Variants in CLPTM1 observed in about 807,000 individuals in gnomAD.
CLPTM1 encodes CLPTM1 regulator of GABA type A receptor forward trafficking, also known as putative lipid scramblase CLPTM1.
CLPTM1 carries 21 observed loss-of-function variants against 77.3 expected under a neutral mutation model. The observed-to-expected ratio is 0.27, with a 90% CI of 0.19 to 0.39. The LOEUF (loss-of-function observed/expected upper bound fraction) is 0.39, where lower values mean the gene tolerates loss of function less well. Among genes scored for constraint, CLPTM1 ranks in the 10% least tolerant of loss-of-function variants. CLPTM1 has a pLI of 1.00. For missense variants in CLPTM1, 642 were observed against 921.2 expected, an observed-to-expected ratio of 0.70 and a Z score of 3.92; for synonymous variants, 373 against 381.0, an observed-to-expected ratio of 0.98 and a Z score of 0.24.
chr19:44,982,707 C>A (rs1391076526), intron 5 of CLPTM1, among the ~76,000 whole-genome samples: 1 of 152,210 alleles, frequency 6.6e-6, no homozygotes, highest in Non-Finnish European at 1.5e-5. Flanking sequence ...TCCAAGTCAA[C>A]CCTTGAGTGT....
chr19:44,969,219 ATG>A (rs1970680878), intron 2 of CLPTM1, among the ~76,000 whole-genome samples: 2 of 152,154 alleles, frequency 1.3e-5, no homozygotes, highest in South Asian at 4.1e-4. Context: ...ATATAATTTA[ATG>A]TGTTTAATGC....
intron 5 of CLPTM1, among the ~76,000 whole-genome samples, chr19:44,981,904 A>C (rs1970903121): frequency 6.6e-6 from 1 of 152,172 alleles, no homozygotes; most frequent in Non-Finnish European, 1.5e-5. Context: ...ACCCTGTCTC[A>C]CAAATAAATA....
intron 2 of CLPTM1, 74 bp downstream of exon 2, chr19:44,962,149 G>T: frequency 1.1e-6 from 1 of 890,098 alleles, no homozygotes; most frequent in South Asian, 1.7e-5. Context: ...AAAGTCAGCT[G>T]ATCAGCTGAG....
At chr19:44,964,330 A>G (rs1970593881) in intron 2 of CLPTM1, among the ~76,000 whole-genome samples, 1 of 25,738 alleles carries the variant, frequency 3.9e-5, no homozygotes, top group South Asian at 1.7e-3. Context: ...TTTTTTTTTG[A>G]GACAGCGTCT....
In CLPTM1 at chr19:44,987,388, T is replaced by A. The variant is rs749877186; in HGVS notation, c.1003T>A (p.Tyr335Asn). 5 of 1,613,982 alleles carry A rather than the reference T, an allele frequency of 3.1e-6. No homozygotes were observed. The highest frequency in any genetic ancestry group is 3.3e-5 in the Admixed American group (2 of 60,026). ...SPWNFLGDEL[Y>N]EQSDEEQDSV... The stretch of plus-strand genomic sequence containing the variant: ...CTGGAACTTCCTGGGTGATGAGTTG[T>A]ACGAGCAGTCAGATGAGGAGCAGGA... Residue 335 changes from tyrosine (Y) to asparagine (N), a missense_variant, in exon 8 of 14, where the codon TAC (tyrosine) becomes AAC (asparagine). This residue lies in a region of CLPTM1 where 521 missense variants were observed against 800.4 expected (regional missense o/e 0.65). Transcript: ENST00000337392.
intron 6 of CLPTM1, 95 bp from the exon 7 acceptor site, chr19:44,986,360 T>A: frequency 1.4e-6 from 2 of 1,471,438 alleles, no homozygotes; most frequent in South Asian, 1.3e-5. Context: ...AAGATTAAGA[T>A]TTTCTCGGGA....
chr19:44,962,569 T>TA (rs1049175397), intron 2 of CLPTM1, among the ~76,000 whole-genome samples: 7 of 152,108 alleles, frequency 4.6e-5, no homozygotes, highest in Non-Finnish European at 1.0e-4. Flanking sequence ...AAGCTCCTCT[T>TA]ATGGGGACAC....
intron 2 of CLPTM1, among the ~76,000 whole-genome samples, chr19:44,967,302 G>A (rs764395203): frequency 6.6e-6 from 1 of 152,032 alleles, no homozygotes; most frequent in Non-Finnish European, 1.5e-5. Flanking sequence ...CTAGGCAACA[G>A]AGTGAGACTG....
chr19:44,986,332 C>T lies in CLPTM1; in HGVS notation c.673-123C>T, dbSNP rs1427794816. On this transcript the variant is annotated intron_variant, in intron 6 of 13. Coordinates refer to ENST00000337392, the MANE Select transcript of CLPTM1 (RefSeq NM_001294.4). ...TGGGCAGCATAGTGAGACCCCATCT[C>T]AGAAAAAAAAGAAAGCAAAGATTAA... is the stretch of plus-strand genomic sequence containing the variant. The T allele has an allele frequency of 5.3e-6, 7 of 1,326,616 alleles. No homozygotes were observed. In the Admixed American group the frequency reaches 1.3e-4, roughly 25 times the overall value. 82.2% of individuals were successfully genotyped at this position (1,326,616 alleles called of 1,614,324 possible).
At chr19:44,981,580 G>A (rs910416013) in intron 5 of CLPTM1, among the ~76,000 whole-genome samples, 2 of 151,842 alleles carry the variant, frequency 1.3e-5, no homozygotes, top group Non-Finnish European at 2.9e-5. Context: ...GAGCAACAAA[G>A]CGAGACCCTG....
intron 2 of CLPTM1, among the ~76,000 whole-genome samples, chr19:44,971,287 G>A (rs1477491756): frequency 1.3e-5 from 2 of 151,966 alleles, no homozygotes; most frequent in East Asian, 3.8e-4. Flanking sequence ...ACGAGAATAC[G>A]TGAGCAGCAT....
chr19:44,967,383 G>A (rs1244065455), intron 2 of CLPTM1, among the ~76,000 whole-genome samples: 2 of 152,018 alleles, frequency 1.3e-5, no homozygotes, highest in African/African-American at 2.4e-5. Flanking sequence ...ATGAGGCCGG[G>A]TGCAGTGGCT....
At chr19:44,987,539 AGT>A in intron 8 of CLPTM1, 116 bp downstream of exon 8, 1 of 1,386,354 alleles carries the variant, frequency 7.2e-7, no homozygotes, top group Non-Finnish European at 9.8e-7. Context: ...CTCTGCCCAC[AGT>A]TTCACAACCT....
At position 44,991,143 on chromosome 19, in the gene CLPTM1, G is replaced by T. The variant is rs1240738734; in HGVS notation, c.1420-95G>T. 1.3e-6 allele frequency: 2 copies of T among 1,576,824 alleles called. No individual in the cohort carries two copies. Among genetic ancestry groups the T allele is most frequent in the African/African-American group, 1.3e-5 (1 of 74,392 alleles). On this transcript the variant is annotated intron_variant, in intron 11 of 13. Transcript: ENST00000337392. This position sits in a 1 kb window ranked among gnomAD's most constrained non-coding sequence, Gnocchi z 5.4. ...GCTACCTGGAAATTCCCCCTGCCCG[G>T]CCTGCCAGACCAGGTGTGGTGGGTG...
chr19:44,977,940 C>T (rs895582508), intron 5 of CLPTM1, among the ~76,000 whole-genome samples: 2 of 151,928 alleles, frequency 1.3e-5, no homozygotes, highest in African/African-American at 4.8e-5. Context: ...CATGACAAAA[C>T]CCTGTCTCTA....
chr19:44,976,968 C>T (rs748379426), intron 4 of CLPTM1, among the ~76,000 whole-genome samples: 6 of 152,202 alleles, frequency 3.9e-5, no homozygotes, highest in Non-Finnish European at 5.9e-5. Flanking sequence ...AGCTCCATGT[C>T]GGTCAGCTGC....
chr19:44,957,574 C>G (rs931087892), intron 1 of CLPTM1, among the ~76,000 whole-genome samples: 26 of 152,258 alleles, frequency 1.7e-4, no homozygotes, highest in Non-Finnish European at 7.3e-5. Context: ...TTGCCTAGCC[C>G]TGGTGGTCTC....
At chr19:44,966,760 A>T (rs937406633) in intron 2 of CLPTM1, among the ~76,000 whole-genome samples, 1 of 151,996 alleles carries the variant, frequency 6.6e-6, no homozygotes, top group South Asian at 2.1e-4. Context: ...CACACAGACA[A>T]TGTTGGCCAT....
intron 3 of CLPTM1, among the ~76,000 whole-genome samples, chr19:44,973,443 A>G (rs1304773102): frequency 6.6e-6 from 1 of 152,194 alleles, no homozygotes. Flanking sequence ...AAGCAAATTC[A>G]TTTGGTTAAA....
Sources: gnomAD v4.1 joint callset for allele counts (sites outside exome capture counted in the v4.1 genomes callset) on GRCh38, gnomAD v4.1.1 for gene constraint, gnomAD v4.1.1 regional missense constraint, Gnocchi (gnomAD v3.1) non-coding constraint, MANE v1.5 for transcripts, NCBI Gene and HGNC (gene_info 2026-07-23, HGNC 2026-07-21) for gene names.